Variants in GALNT15 observed in about 807,000 individuals in gnomAD.
GALNT15 encodes the protein polypeptide N-acetylgalactosaminyltransferase 15.
GALNT15 carries 67 observed loss-of-function variants against 66.8 expected under a neutral mutation model. The observed-to-expected ratio is 1.00, with a 90% CI of 0.82 to 1.23. The LOEUF (loss-of-function observed/expected upper bound fraction) is 1.23, where lower values mean the gene tolerates loss of function less well. GALNT15 is among the 50% of genes most tolerant of loss of function. The pLI, the probability that GALNT15 is intolerant of heterozygous loss-of-function variation, is 0.00. For synonymous variants in GALNT15, 313 were observed against 311.5 expected (o/e 1.00, Z -0.05); for missense variants, 827 against 804.3 (o/e 1.03, Z -0.34).
the GALNT15 span, among the ~76,000 whole-genome samples, chr3:16,238,942 T>C: frequency 6.6e-6 from 1 of 152,296 alleles, no homozygotes; most frequent in East Asian, 1.9e-4. This position sits in a 1 kb window ranked among gnomAD's most constrained non-coding sequence, Gnocchi z 4.8. Context: ...GTTCTGTGCC[T>C]GGTACAATGG....
At chr3:16,230,432 A>C (rs1032996277), downstream of GALNT15, among the ~76,000 whole-genome samples, 9 of 152,212 alleles carry the variant, frequency 5.9e-5, no homozygotes, top group Admixed American at 5.2e-4. This position sits in a 1 kb window ranked among gnomAD's most constrained non-coding sequence, Gnocchi z 4.5. Flanking sequence ...TTGACATTTT[A>C]GAGGTCATGT....
At chr3:16,217,134 A>G (rs957146871) in intron 6 of GALNT15, among the ~76,000 whole-genome samples, 3 of 152,212 alleles carry the variant, frequency 2.0e-5, no homozygotes, top group Non-Finnish European at 4.4e-5. Context: ...TTTAACCTCT[A>G]AGAACTCAGT....
At position 16,227,492 on chromosome 3, in the gene GALNT15, G is replaced by C. The variant is rs748083002; in HGVS notation, c.1912G>C (p.Glu638Gln). Reference sequence around the variant, plus strand: ...TTTTGACCAGATCAATGCTGTGGATGAACGATGAATGTCAATGTCAGAAGG... The same window carrying C: ...TTTTGACCAGATCAATGCTGTGGATCAACGATGAATGTCAATGTCAGAAGG... The part of the protein sequence containing the change: ...WRFDQINAVD[E>Q]R Residue 638 changes from glutamate (E) to glutamine (Q), a missense_variant, in exon 10 of 10, where the codon GAA becomes CAA. Transcript: ENST00000339732. This position sits in a 1 kb window ranked among gnomAD's most constrained non-coding sequence, Gnocchi z 4.5. The C allele has an allele frequency of 5.6e-6, 9 of 1,614,170 alleles. No individual in the cohort carries two copies. The highest frequency in any genetic ancestry group is 7.6e-6 in the Non-Finnish European group (9 of 1,180,032).
At chr3:16,244,111 G>A in the GALNT15 span, 1 of 612,526 alleles carries the variant, frequency 1.6e-6, no homozygotes, top group Non-Finnish European at 2.0e-6. Flanking sequence ...GGCACCGATC[G>A]ATAGGACTCT....
the GALNT15 span, among the ~76,000 whole-genome samples, chr3:16,247,724 AC>A: frequency 2.0e-5 from 3 of 152,240 alleles, no homozygotes; most frequent in Admixed American, 2.0e-4. Flanking sequence ...GTCTTCCTGT[AC>A]TGGGAACATA....
chr3:16,192,991 C>T (rs914763712), intron 1 of GALNT15, among the ~76,000 whole-genome samples: 4 of 152,078 alleles, frequency 2.6e-5, no homozygotes, highest in South Asian at 2.1e-4. Flanking sequence ...TGAACCATGT[C>T]GGATTCCTGG....
In GALNT15 at chr3:16,219,706, G is replaced by C. The variant is rs1417638903; in HGVS notation, c.1524+172G>C. On this transcript the variant is annotated intron_variant, in intron 7 of 9. Coordinates refer to ENST00000339732, the MANE Select transcript of GALNT15 (RefSeq NM_054110.5). The surrounding 1 kb of genome is among the most constrained non-coding windows in gnomAD (Gnocchi z 4.3). The stretch of plus-strand genomic sequence containing the variant: ...AGTCTGAGGAAGGTGGCTGAGTTTT[G>C]CCCCATTACCCACCCCAAAGCACCT... 3.9e-5 allele frequency among the ~76,000 whole-genome samples: 6 copies of C among 152,154 alleles called. No homozygotes were observed.
At chr3:16,199,875 C>A (rs113035494) in intron 2 of GALNT15, among the ~76,000 whole-genome samples, 2 of 152,198 alleles carry the variant, frequency 1.3e-5, no homozygotes, top group African/African-American at 4.8e-5. Flanking sequence ...TTTCAGTTAG[C>A]ACCCACAGCA....
intron 6 of GALNT15, among the ~76,000 whole-genome samples, chr3:16,213,529 A>C (rs1000676151): frequency 1.3e-5 from 2 of 152,118 alleles, no homozygotes; most frequent in East Asian, 3.9e-4. Flanking sequence ...ATGTCCACAA[A>C]CAGCACATTA....
the GALNT15 span, among the ~76,000 whole-genome samples, chr3:16,239,628 A>G: frequency 2.6e-5 from 4 of 152,202 alleles, no homozygotes; most frequent in Non-Finnish European, 5.9e-5. This position sits in a 1 kb window ranked among gnomAD's most constrained non-coding sequence, Gnocchi z 5.2. Flanking sequence ...ACACTCTGGG[A>G]AGCAATGGTG....
At position 16,228,623 on chromosome 3, in the gene GALNT15, A is replaced by G. The variant is rs1376260098; in HGVS notation, c.*1123A>G. On this transcript the variant is annotated 3_prime_UTR_variant, in exon 10 of 10. Transcript: ENST00000339732. ...GCCATTGCACTCCAACCTGGGTGAC[A>G]GAGTGAGACTCCATCTCAAAAAAAA... 5.2e-6 allele frequency: 5 copies of G among 961,754 alleles called. No homozygotes were observed. Among genetic ancestry groups the G allele is most frequent in the Non-Finnish European group, 6.1e-6 (5 of 818,638 alleles). 59.6% of individuals were successfully genotyped at this position (961,754 alleles called of 1,614,324 possible). A position where few individuals can be genotyped will look rare whatever the true frequency, so the allele number is the denominator to read the frequency against.
downstream of GALNT15, among the ~76,000 whole-genome samples, chr3:16,234,682 G>A (rs943991549): frequency 1.3e-5 from 2 of 152,252 alleles, no homozygotes; most frequent in South Asian, 2.1e-4. Context: ...CTCCTAATGG[G>A]GAAACCCACC....
At chr3:16,220,742 T>TG (rs760853483) in intron 8 of GALNT15, among the ~76,000 whole-genome samples, 3 of 152,138 alleles carry the variant, frequency 2.0e-5, no homozygotes, top group African/African-American at 4.8e-5. Flanking sequence ...ATCAAAGATC[T>TG]GGGGGGCAAA....
intron 2 of GALNT15, among the ~76,000 whole-genome samples, chr3:16,197,593 G>T (rs2063652357): frequency 6.6e-6 from 1 of 152,188 alleles, no homozygotes. Flanking sequence ...GCTGCGGGTT[G>T]CCCTGAGCCA....
At chr3:16,221,256 C>CTTTTT (rs60472018) in intron 8 of GALNT15, among the ~76,000 whole-genome samples, 109 of 140,236 alleles carry the variant, frequency 7.8e-4, no homozygotes, top group South Asian at 3.5e-3. Context: ...CTTTCTTGTT[C>CTTTTT]TTTTTTTTTT....
At position 16,183,949 on chromosome 3, in the gene GALNT15, C is replaced by T. The variant is rs1035311197; in HGVS notation, c.539+8259C>T. Among the ~76,000 whole-genome samples, 2 of 152,254 alleles carry T rather than the reference C, an allele frequency of 1.3e-5. No homozygotes were observed. Among genetic ancestry groups the T allele is most frequent in the African/African-American group, 4.8e-5 (2 of 41,450 alleles). ...CTGTATGTAAACACAAGACACCAGA[C>T]TCCTCTGATCTTGGAGTGTGAAGAT... On this transcript the variant is annotated intron_variant, in intron 1 of 9. Coordinates refer to ENST00000339732, the MANE Select transcript of GALNT15 (RefSeq NM_054110.5). This position sits in a 1 kb window ranked among gnomAD's most constrained non-coding sequence, Gnocchi z 5.2.
In GALNT15 at chr3:16,222,605, T is replaced by C. The variant is rs778889697; in HGVS notation, c.1630-10T>C. On this transcript the variant is annotated splice_polypyrimidine_tract_variant and intron_variant, in intron 8 of 9. Transcript: ENST00000339732. ...TCTAGCTGCGCTAACAACTATTGCT[T>C]CTGTCACAGTACCTGCAGCACACCA... 28 of 1,614,060 alleles carry C rather than the reference T, an allele frequency of 1.7e-5. No homozygotes were observed. The highest frequency in any genetic ancestry group is 6.7e-5 in the Admixed American group (4 of 60,006).
chr3:16,192,719 T>C (rs1453530277), intron 1 of GALNT15, among the ~76,000 whole-genome samples: 1 of 152,206 alleles, frequency 6.6e-6, no homozygotes. Context: ...ACTATGCATG[T>C]GCTGGGGACG....
chr3:16,190,456 G>A (rs918108749), intron 1 of GALNT15, among the ~76,000 whole-genome samples: 8 of 152,080 alleles, frequency 5.3e-5, no homozygotes, highest in South Asian at 4.1e-4. Context: ...GGCTAACACG[G>A]TGAAACCCCG....
Sources: allele counts gnomAD v4.1 joint callset (sites outside exome capture counted in the v4.1 genomes callset), GRCh38; gene constraint gnomAD v4.1.1; non-coding constraint Gnocchi (gnomAD v3.1); transcripts MANE v1.5; gene names NCBI Gene and HGNC (gene_info 2026-07-23, HGNC 2026-07-21).